Variants in LEKR1 observed in about 807,000 individuals in gnomAD.
LEKR1 encodes protein LEKR1.
Under a neutral mutation model 72.4 loss-of-function variants are expected in LEKR1, and 59 were observed. The observed-to-expected ratio is 0.82, with a 90% CI of 0.66 to 1.01. The LOEUF is 1.01. Ranked by LOEUF, LEKR1 falls within the 50% of genes least tolerant of loss-of-function variation. The pLI is 0.00. For missense variants in LEKR1, 728 were observed against 759.2 expected (o/e 0.96, Z 0.48); for synonymous variants, 257 against 263.2 (o/e 0.98, Z 0.23).
intron 4 of LEKR1, among the ~76,000 whole-genome samples, chr3:156,926,362 T>C (rs1439858792): frequency 6.6e-6 from 1 of 152,064 alleles, no homozygotes; most frequent in Non-Finnish European, 1.5e-5. Context: ...TAAGAATTTG[T>C]GTGGCATTAC....
At chr3:156,900,421 A>G (rs1366565584) in intron 3 of LEKR1, among the ~76,000 whole-genome samples, 1 of 152,196 alleles carries the variant, frequency 6.6e-6, no homozygotes, top group African/African-American at 2.4e-5. Flanking sequence ...TCTTTTTATC[A>G]CAGAACCCTT....
intron 3 of LEKR1, among the ~76,000 whole-genome samples, chr3:156,910,839 T>C (rs985550097): frequency 1.2e-4 from 19 of 152,350 alleles, no homozygotes; most frequent in African/African-American, 4.6e-4. Context: ...TTATTTTCCT[T>C]TGGGTATATA....
intron 9 of LEKR1, among the ~76,000 whole-genome samples, chr3:156,995,933 T>C (rs1731525090): frequency 6.6e-6 from 1 of 152,232 alleles, no homozygotes; most frequent in Admixed American, 6.5e-5. Flanking sequence ...TTCTTCTTTT[T>C]TCTAGGCTAC....
chr3:156,848,693 A>AT (rs1714934985), intron 2 of LEKR1, among the ~76,000 whole-genome samples: 2 of 152,210 alleles, frequency 1.3e-5, no homozygotes, highest in South Asian at 4.1e-4. Flanking sequence ...AACCAATGTG[A>AT]TATGACATGC....
chr3:156,963,039 G>T (rs1728260258), intron 6 of LEKR1, among the ~76,000 whole-genome samples: 1 of 152,076 alleles, frequency 6.6e-6, no homozygotes, highest in Admixed American at 6.6e-5. Context: ...TTTGCCCCTT[G>T]CATTCTTTCT....
chr3:156,977,724 GA>G lies in LEKR1; in HGVS notation c.746-1466del. The G allele has an allele frequency of 1.7e-5, 4 of 237,348 alleles. No homozygotes were observed. In the Middle Eastern group the frequency reaches 1.9e-3, roughly 115 times the overall value. 14.7% of individuals were successfully genotyped at this position (237,348 alleles called of 1,614,324 possible). On this transcript the variant is annotated intron_variant, in intron 6 of 12. Transcript: ENST00000356539. ...TCTGTCTGATAAATAAGACATTTCT[GA>G]AAACATACTGGAGTCAAATCTTTTT... is the stretch of plus-strand genomic sequence containing the variant.
chr3:156,921,890 A>G (rs1724232666), intron 4 of LEKR1, among the ~76,000 whole-genome samples: 1 of 152,184 alleles, frequency 6.6e-6, no homozygotes. Context: ...AGTATTTCAA[A>G]TTTTTGAAGA....
intron 3 of LEKR1, among the ~76,000 whole-genome samples, chr3:156,915,771 CA>C (rs895102710): frequency 6.6e-6 from 1 of 152,090 alleles, no homozygotes; most frequent in African/African-American, 2.4e-5. Flanking sequence ...TTACTTAGAT[CA>C]AATTTGTCAA....
At position 156,991,280 on chromosome 3, in the gene LEKR1, A is replaced by G. The variant is rs1310498563; in HGVS notation, c.828-1373A>G. Among the ~76,000 whole-genome samples, 3 of 151,892 alleles carry G rather than the reference A, an allele frequency of 2.0e-5. 1 individual carries two copies. Among genetic ancestry groups the G allele is most frequent in the Non-Finnish European group, 4.4e-5 (3 of 67,898 alleles). On this transcript the variant is annotated intron_variant, in intron 7 of 12. Transcript: ENST00000356539. ...GGTTTTATTTTTTAACCTGGATGGT[A>G]ATCACCAGAGTATTCTTCTTATAAT...
At chr3:156,907,268 A>G (rs73873745) in intron 3 of LEKR1, among the ~76,000 whole-genome samples, 10,096 of 152,140 alleles carry the variant, frequency 0.066, 408 homozygotes, top group African/African-American at 0.11. Flanking sequence ...TAAAGTTTTA[A>G]AGACATATAT....
Position 157,045,400 on chromosome 3 carries a change from G to C in LEKR1, c.1729G>C (p.Ala577Pro). ...TGAAGAACGCTTTGAACTGACAGAG[G>C]CTTTGAGTCAAGCCAGAGAACAGCT... Reference protein sequence around the residue: ...ECEERFELTEALSQAREQLLE... With the variant: ...ECEERFELTEPLSQAREQLLE... The change falls in exon 13 of 13, where the codon GCT becomes CCT. Residue 577 changes from alanine to proline, a missense_variant. By Grantham distance (27) the Ala-to-Pro change is conservative. Coordinates refer to ENST00000356539, the MANE Select transcript of LEKR1 (RefSeq NM_001004316.3). 1.2e-6 allele frequency: 2 copies of C among 1,614,092 alleles called. No individual in the cohort carries two copies. The highest frequency in any genetic ancestry group is 1.7e-6 in the Non-Finnish European group (2 of 1,179,970).
chr3:156,853,641 A>T (rs1203596632), intron 3 of LEKR1, among the ~76,000 whole-genome samples: 1 of 152,074 alleles, frequency 6.6e-6, no homozygotes, highest in African/African-American at 2.4e-5. Context: ...AATGAATAAC[A>T]TGTCTGTGTA....
At chr3:156,897,038 G>C (rs1168484399) in intron 3 of LEKR1, among the ~76,000 whole-genome samples, 1 of 152,084 alleles carries the variant, frequency 6.6e-6, no homozygotes, top group Non-Finnish European at 1.5e-5. Context: ...TAGACACTGG[G>C]GCCTACTTGA....
At chr3:157,031,755 G>A (rs1004035690) in intron 12 of LEKR1, among the ~76,000 whole-genome samples, 6 of 152,094 alleles carry the variant, frequency 3.9e-5, no homozygotes, top group Non-Finnish European at 7.4e-5. Flanking sequence ...CTAATAAGGA[G>A]GCTAATTAAG....
At chr3:156,954,641 C>G (rs983567110) in intron 6 of LEKR1, among the ~76,000 whole-genome samples, 4 of 151,974 alleles carry the variant, frequency 2.6e-5, no homozygotes, top group African/African-American at 9.7e-5. Flanking sequence ...TTGCTTTTGT[C>G]AGGTTTGTCA....
intron 2 of LEKR1, among the ~76,000 whole-genome samples, chr3:156,849,925 A>G (rs1303203330): frequency 2.0e-5 from 3 of 152,232 alleles, no homozygotes; most frequent in Non-Finnish European, 4.4e-5. Flanking sequence ...AATTAAACTA[A>G]AGATCTTCTG....
chr3:156,902,715 C>T (rs545372979), intron 3 of LEKR1, among the ~76,000 whole-genome samples: 1 of 151,994 alleles, frequency 6.6e-6, no homozygotes, highest in East Asian at 1.9e-4. Context: ...AGGTGAGTTC[C>T]TGGTAGAAAT....
At chr3:156,989,985 T>C (rs1731023243) in intron 7 of LEKR1, among the ~76,000 whole-genome samples, 1 of 152,220 alleles carries the variant, frequency 6.6e-6, no homozygotes, top group African/African-American at 2.4e-5. Flanking sequence ...CATATTTCAA[T>C]TTTGTCAGTT....
intron 3 of LEKR1, among the ~76,000 whole-genome samples, chr3:156,906,155 A>G (rs963239235): frequency 6.6e-6 from 1 of 152,184 alleles, no homozygotes; most frequent in African/African-American, 2.4e-5. Flanking sequence ...GTGTTTCATT[A>G]TAGAGTGGAG....
Sources: gnomAD v4.1 joint callset for allele counts (sites outside exome capture counted in the v4.1 genomes callset) on GRCh38, gnomAD v4.1.1 for gene constraint, MANE v1.5 for transcripts, NCBI Gene and HGNC (gene_info 2026-07-23, HGNC 2026-07-21) for gene names.